The following ITGB5 variants were observed in gnomAD, a reference collection of about 807,000 sequenced individuals.
ITGB5 encodes integrin beta-5.
In ITGB5, 38 loss-of-function variants were observed where a neutral mutation model predicts 84.8. The observed-to-expected ratio is 0.45, with a 90% CI of 0.35 to 0.59. The LOEUF (loss-of-function observed/expected upper bound fraction) is 0.59. Ranked by LOEUF, ITGB5 falls within the 20% of genes least tolerant of loss-of-function variation. The probability of loss-of-function intolerance (pLI) is 0.01; values close to 1 mark genes in which losing one functional copy is unlikely to be tolerated. For synonymous variants in ITGB5, 393 were observed against 414.4 expected, an observed-to-expected ratio of 0.95 and a Z score of 0.63; for missense variants, 905 against 1,034.5, an observed-to-expected ratio of 0.87 and a Z score of 1.72.
At chr3:124,845,563 T>C (rs2065066023) in intron 4 of ITGB5, among the ~76,000 whole-genome samples, 1 of 152,254 alleles carries the variant, frequency 6.6e-6, no homozygotes. Flanking sequence ...TGCCTTGTAC[T>C]CACTGTCAGG....
At chr3:124,788,964 TG>T (rs1469478432) in intron 10 of ITGB5, among the ~76,000 whole-genome samples, 1 of 152,138 alleles carries the variant, frequency 6.6e-6, no homozygotes, top group African/African-American at 2.4e-5. Context: ...GATGCTGAGG[TG>T]GGAGGATCCC....
intron 10 of ITGB5, among the ~76,000 whole-genome samples, chr3:124,775,422 TTGTTC>T (rs2063912734): frequency 6.6e-6 from 1 of 151,834 alleles, no homozygotes; most frequent in African/African-American, 2.4e-5. Flanking sequence ...GTGTGAGTGT[TTGTTC>T]TGGAGTGTGA....
Position 124,797,792 on chromosome 3 carries a change from C to T in ITGB5, c.1264-975G>A, listed in dbSNP as rs535188831. Among the ~76,000 whole-genome samples, 4 of 152,286 alleles carry T rather than the reference C, an allele frequency of 2.6e-5. No homozygotes were observed. In the East Asian group the frequency reaches 5.8e-4, roughly 22 times the overall value. ...CCATCAGGGCCCTGAGAGCAAGTCA[C>T]TGTGGATTCTATGAAAACGCACAGA... On this transcript the variant is annotated intron_variant, in intron 9 of 14. Coordinates refer to ENST00000296181, the MANE Select transcript of ITGB5 (RefSeq NM_002213.5).
intron 5 of ITGB5, among the ~76,000 whole-genome samples, chr3:124,825,876 G>A (rs1453957883): frequency 6.6e-6 from 1 of 152,116 alleles, no homozygotes; most frequent in Non-Finnish European, 1.5e-5. Context: ...TGAAATATAT[G>A]CAACAGTATT....
At chr3:124,854,714 A>G (rs968997189) in intron 3 of ITGB5, among the ~76,000 whole-genome samples, 5 of 152,334 alleles carry the variant, frequency 3.3e-5, no homozygotes, top group African/African-American at 1.2e-4. Flanking sequence ...CAAATATACT[A>G]AGAACCACTG....
chr3:124,856,174 C>T (rs887401313), intron 3 of ITGB5, among the ~76,000 whole-genome samples: 1 of 152,196 alleles, frequency 6.6e-6, no homozygotes, highest in Admixed American at 6.5e-5. Context: ...GCATAAGCCA[C>T]CACACCCGGC....
upstream of ITGB5, among the ~76,000 whole-genome samples, chr3:124,889,153 A>G (rs1245034249): frequency 6.6e-6 from 1 of 152,190 alleles, no homozygotes; most frequent in Non-Finnish European, 1.5e-5. Context: ...TTCCTTTTGG[A>G]CAAAGGACAG....
chr3:124,879,682 G>A (rs538380973), intron 1 of ITGB5, among the ~76,000 whole-genome samples: 11 of 152,282 alleles, frequency 7.2e-5, no homozygotes, highest in South Asian at 4.1e-4. Flanking sequence ...AAGAAAGAAT[G>A]AGCATGCTCT....
At chr3:124,890,004 G>A (rs1307308015), upstream of ITGB5, among the ~76,000 whole-genome samples, 2 of 151,350 alleles carry the variant, frequency 1.3e-5, no homozygotes, top group Non-Finnish European at 2.9e-5. Flanking sequence ...GCGACAAAGC[G>A]AGACTCTGTC....
intron 10 of ITGB5, among the ~76,000 whole-genome samples, chr3:124,774,619 G>A (rs561383444): frequency 6.6e-6 from 1 of 152,326 alleles, no homozygotes; most frequent in South Asian, 2.1e-4. Context: ...GACCTCCAGA[G>A]CTGTAAGAAA....
intron 5 of ITGB5, among the ~76,000 whole-genome samples, chr3:124,830,552 G>C (rs1322569770): frequency 6.6e-6 from 1 of 152,212 alleles, no homozygotes; most frequent in African/African-American, 2.4e-5. Flanking sequence ...TGTAGCACCT[G>C]AATTCTGGAA....
intron 2 of ITGB5, among the ~76,000 whole-genome samples, chr3:124,867,499 G>T (rs2065410253): frequency 6.6e-6 from 1 of 152,184 alleles, no homozygotes; most frequent in South Asian, 2.1e-4. Flanking sequence ...TTCTCACAGG[G>T]AGCACTGATC....
Position 124,773,752 on chromosome 3 carries a change from C to T in ITGB5, c.1854G>A (p.Pro618=), listed in dbSNP as rs747333201. The T allele has an allele frequency of 8.7e-6, 14 of 1,612,850 alleles. No individual in the cohort carries two copies. The highest frequency in any genetic ancestry group is 5.3e-5 in the African/African-American group (4 of 74,896). Residue 618 remains proline (P), a synonymous_variant, in exon 11 of 15, where the codon CCG becomes CCA. Coordinates refer to ENST00000296181, the MANE Select transcript of ITGB5 (RefSeq NM_002213.5). ...TCTCACACATCTCCCCAAAGGCCCC[C>T]GGCTCCGTGCATTGGCACTGCCCAC... ...CLCGQCQCTE[P]GAFGEMCEKC...
intron 9 of ITGB5, among the ~76,000 whole-genome samples, chr3:124,797,172 C>A (rs2107518082): frequency 6.6e-6 from 1 of 152,342 alleles, no homozygotes; most frequent in Middle Eastern, 3.4e-3. Context: ...GTCCTATCCT[C>A]TTCCCAGCCC....
At chr3:124,809,514 T>A (rs927281938) in intron 8 of ITGB5, 1 of 214,734 alleles carries the variant, frequency 4.7e-6, no homozygotes, top group Non-Finnish European at 9.5e-6. Context: ...TTCCTCAATC[T>A]TGCAGTGTGT....
At chr3:124,802,306 GAAAT>G (rs2064327928) in intron 9 of ITGB5, among the ~76,000 whole-genome samples, 1 of 152,190 alleles carries the variant, frequency 6.6e-6, no homozygotes, top group Admixed American at 6.5e-5. Context: ...CGTCCAGAGG[GAAAT>G]ACTCACACAC....
chr3:124,859,521 G>T, intron 2 of ITGB5, 75 bp from the exon 3 acceptor site: 2 of 1,148,370 alleles, frequency 1.7e-6, no homozygotes, highest in Non-Finnish European at 1.3e-6. Context: ...TCGTGGCTGC[G>T]TCTCCATCTG....
intron 2 of ITGB5, among the ~76,000 whole-genome samples, chr3:124,870,674 C>T (rs1267976478): frequency 1.3e-5 from 2 of 150,092 alleles, no homozygotes; most frequent in East Asian, 2.0e-4. Context: ...GGCAGTGAGC[C>T]GACATCATGC....
At chr3:124,834,303 G>A (rs1385373372) in intron 5 of ITGB5, among the ~76,000 whole-genome samples, 1 of 151,710 alleles carries the variant, frequency 6.6e-6, no homozygotes, top group Non-Finnish European at 1.5e-5. Flanking sequence ...GCTGATGGTG[G>A]GGGAGGTTGT....
Sources: gnomAD v4.1 joint callset for allele counts (sites outside exome capture counted in the v4.1 genomes callset) on GRCh38, gnomAD v4.1.1 for gene constraint, MANE v1.5 for transcripts, NCBI Gene and HGNC (gene_info 2026-07-23, HGNC 2026-07-21) for gene names.